The following ATG10 variants were observed in gnomAD, a reference collection of about 807,000 sequenced individuals.
ATG10 encodes the protein ubiquitin-like-conjugating enzyme ATG10.
In ATG10, 30 loss-of-function variants were observed where a neutral mutation model predicts 32.1. The observed-to-expected ratio is 0.94, with a 90% CI of 0.70 to 1.27. The LOEUF (loss-of-function observed/expected upper bound fraction) is 1.27, where lower values mean the gene tolerates loss of function less well. ATG10 is among the 50% of genes most tolerant of loss of function. The pLI is 0.00. For synonymous variants in ATG10, 87 were observed against 91.5 expected (o/e 0.95, Z 0.28); for missense variants, 233 against 262.3 (o/e 0.89, Z 0.77).
At chr5:82,107,854 A>T (rs1765489702) in intron 3 of ATG10, among the ~76,000 whole-genome samples, 1 of 152,124 alleles carries the variant, frequency 6.6e-6, no homozygotes, top group Non-Finnish European at 1.5e-5. Context: ...AATAAAAAAC[A>T]AATAGGGATA....
At chr5:82,127,693 A>G (rs1407084070) in intron 3 of ATG10, among the ~76,000 whole-genome samples, 1 of 152,028 alleles carries the variant, frequency 6.6e-6, no homozygotes, top group Non-Finnish European at 1.5e-5. Flanking sequence ...GGAGTATTTT[A>G]TTTCCAATTA....
chr5:82,035,668 G>A lies in ATG10; in HGVS notation c.109-22827G>A, dbSNP rs576940268. On this transcript the variant is annotated intron_variant, in intron 2 of 7. Transcript: ENST00000282185. ...TATTGGTCATTGGTATTTCTTTTAG[G>A]CATTTATTGTTTATGTCCTTTGTTT... Among the ~76,000 whole-genome samples the A allele has an allele frequency of 6.7e-5, 10 of 150,024 alleles. No homozygotes were observed. The South Asian group carries it at 1.9e-3, about 28-fold the overall frequency.
chr5:82,241,771 A>G (rs1252600698), intron 5 of ATG10, among the ~76,000 whole-genome samples: 1 of 151,730 alleles, frequency 6.6e-6, no homozygotes, highest in Non-Finnish European at 1.5e-5. Context: ...CATTCTCTAT[A>G]TATTAAAATT....
intron 3 of ATG10, among the ~76,000 whole-genome samples, chr5:82,153,657 G>A (rs1767693472): frequency 6.6e-6 from 1 of 152,146 alleles, no homozygotes; most frequent in Non-Finnish European, 1.5e-5. Context: ...ACACTTGAAT[G>A]AAGCTGAAAA....
At chr5:81,998,925 A>G (rs1761748751) in intron 2 of ATG10, among the ~76,000 whole-genome samples, 1 of 152,216 alleles carries the variant, frequency 6.6e-6, no homozygotes, top group Non-Finnish European at 1.5e-5. Flanking sequence ...TTAGATAACC[A>G]CACAATAATA....
chr5:82,077,090 G>A (rs192896587), intron 3 of ATG10, among the ~76,000 whole-genome samples: 106 of 152,298 alleles, frequency 7.0e-4, no homozygotes, highest in Middle Eastern at 6.8e-3. Flanking sequence ...TTGGGAGTTC[G>A]AGGCAGGCGA....
chr5:82,189,953 A>C (rs1464846069), intron 5 of ATG10, among the ~76,000 whole-genome samples: 1 of 152,016 alleles, frequency 6.6e-6, no homozygotes, highest in African/African-American at 2.4e-5. Flanking sequence ...TTTAGACTGG[A>C]TACTTGCTCC....
intron 5 of ATG10, among the ~76,000 whole-genome samples, chr5:82,231,569 T>G (rs962000937): frequency 7.2e-5 from 11 of 152,240 alleles, no homozygotes; most frequent in Admixed American, 3.3e-4. Context: ...TTATTAGTAT[T>G]CTAGAAAGTG....
At chr5:82,204,077 C>T (rs1272639106) in intron 5 of ATG10, among the ~76,000 whole-genome samples, 1 of 151,948 alleles carries the variant, frequency 6.6e-6, no homozygotes, top group African/African-American at 2.4e-5. Context: ...ATAAATAAAA[C>T]ATGGAAGAGG....
At chr5:82,185,641 CA>C (rs1159490659) in intron 5 of ATG10, among the ~76,000 whole-genome samples, 4 of 151,330 alleles carry the variant, frequency 2.6e-5, no homozygotes, top group African/African-American at 9.7e-5. Context: ...AAAAACACAA[CA>C]AAAAAAACAT....
chr5:82,133,667 G>A (rs777692449), intron 3 of ATG10, among the ~76,000 whole-genome samples: 2 of 152,086 alleles, frequency 1.3e-5, no homozygotes, highest in African/African-American at 2.4e-5. Flanking sequence ...GATGCCTCCA[G>A]CTTTGTTCTT....
chr5:82,041,158 A>G (rs1311841331), intron 2 of ATG10, among the ~76,000 whole-genome samples: 1 of 152,072 alleles, frequency 6.6e-6, no homozygotes, highest in Non-Finnish European at 1.5e-5. Flanking sequence ...ATCTTCCTTC[A>G]TTCCTCTCAT....
At chr5:82,119,983 A>ATT (rs1554049438) in intron 3 of ATG10, among the ~76,000 whole-genome samples, 1 of 116,874 alleles carries the variant, frequency 8.6e-6, no homozygotes, top group Admixed American at 8.1e-5. Flanking sequence ...TCCACCATTT[A>ATT]TTGTGTGTGT....
chr5:82,135,799 T>A (rs529170086), intron 3 of ATG10, among the ~76,000 whole-genome samples: 12 of 152,170 alleles, frequency 7.9e-5, no homozygotes, highest in East Asian at 7.7e-4. Context: ...TTGTTGATCT[T>A]TCTAATATTG....
In ATG10 at chr5:82,254,255, A is replaced by C. The variant is rs918379306; in HGVS notation, c.*192A>C. 6.6e-6 allele frequency: 1 copy of C among 152,236 alleles called. No homozygotes were observed. The highest frequency in any genetic ancestry group is 2.4e-5 in the African/African-American group (1 of 41,448). The allele number at this position is 152,236 out of a possible 1,614,324, so 9.4% of individuals were successfully genotyped here. A position where few individuals can be genotyped will look rare whatever the true frequency, so the allele number is the denominator to read the frequency against. ...GATAGGCTGAATGTTTAGAAGAAAC[A>C]CTTCAAAGGGATACATCATGGCCAG... On this transcript the variant is annotated 3_prime_UTR_variant, in exon 8 of 8. Transcript: ENST00000282185.
chr5:82,163,121 A>G (rs1351002247), intron 3 of ATG10, among the ~76,000 whole-genome samples: 1 of 152,216 alleles, frequency 6.6e-6, no homozygotes, highest in Non-Finnish European at 1.5e-5. Context: ...TGGTTAAAAG[A>G]ATTGATGTAA....
At chr5:82,235,826 T>C (rs1427908349) in intron 5 of ATG10, among the ~76,000 whole-genome samples, 3 of 152,242 alleles carry the variant, frequency 2.0e-5, no homozygotes, top group Non-Finnish European at 4.4e-5. Context: ...TAAATCTGTT[T>C]TATTTTTCTC....
chr5:81,983,878 G>C (rs1282609738), intron 1 of ATG10, among the ~76,000 whole-genome samples: 1 of 151,508 alleles, frequency 6.6e-6, no homozygotes, highest in African/African-American at 2.4e-5. Flanking sequence ...CAGCGGGGCA[G>C]AGGCGCTCCC....
chr5:82,012,736 A>G (rs1006494785), intron 2 of ATG10, among the ~76,000 whole-genome samples: 4 of 151,812 alleles, frequency 2.6e-5, no homozygotes, highest in Non-Finnish European at 5.9e-5. Context: ...GTTCATTGCA[A>G]CCTCCACCTC....
Sources: allele counts gnomAD v4.1 joint callset (sites outside exome capture counted in the v4.1 genomes callset), GRCh38; gene constraint gnomAD v4.1.1; transcripts MANE v1.5; gene names NCBI Gene and HGNC (gene_info 2026-07-23, HGNC 2026-07-21).